PLCB2: variants seen among roughly 807,000 people sequenced by gnomAD.
The protein encoded by PLCB2 is 1-phosphatidylinositol 4,5-bisphosphate phosphodiesterase beta-2.
Under a neutral mutation model 141.7 loss-of-function variants are expected in PLCB2, and 115 were observed. The observed-to-expected ratio is 0.81, with a 90% CI of 0.70 to 0.95. PLCB2 has a LOEUF of 0.95. Among genes scored for constraint, PLCB2 ranks in the 40% least tolerant of loss-of-function variants. PLCB2 has a pLI of 0.00. For missense variants in PLCB2, 1,403 were observed against 1,541.1 expected, an observed-to-expected ratio of 0.91 and a Z score of 1.50; for synonymous variants, 603 against 595.6, an observed-to-expected ratio of 1.01 and a Z score of -0.18.
chr15:40,306,337 G>A (rs2040794145), intron 1 of PLCB2, among the ~76,000 whole-genome samples: 1 of 152,188 alleles, frequency 6.6e-6, no homozygotes, highest in Admixed American at 6.5e-5. Flanking sequence ...ACCTTGGAGA[G>A]GGGAAGGGAA....
chr15:40,305,149 C>T (rs1423569519), intron 1 of PLCB2, among the ~76,000 whole-genome samples: 1 of 150,088 alleles, frequency 6.7e-6, no homozygotes, highest in Non-Finnish European at 1.5e-5. Flanking sequence ...GGGGTTTCAA[C>T]TCTACTTAGA....
At chr15:40,303,385 A>G in intron 2 of PLCB2, 29 bp from the exon 3 acceptor site, 1 of 1,533,624 alleles carries the variant, frequency 6.5e-7, no homozygotes, top group Non-Finnish European at 9.0e-7. Context: ...TCCCGGTGGG[A>G]GCAAAGAAGG....
intron 7 of PLCB2, among the ~76,000 whole-genome samples, chr15:40,299,724 G>A (rs944704834): frequency 6.6e-6 from 1 of 152,076 alleles, no homozygotes; most frequent in Non-Finnish European, 1.5e-5. Context: ...TAAATTAAAC[G>A]TCATCAAAAT....
chr15:40,296,492 A>G (rs2040224704), intron 15 of PLCB2, 30 bp downstream of exon 15: 1 of 1,613,854 alleles, frequency 6.2e-7, no homozygotes, highest in African/African-American at 1.3e-5. Flanking sequence ...GGAGGATGAC[A>G]CAGAGGGGCC....
Position 40,302,209 on chromosome 15 carries a change from C to G in PLCB2, c.453-20G>C. The G allele has an allele frequency of 3.7e-6, 6 of 1,613,542 alleles. No individual in the cohort carries two copies. Among genetic ancestry groups the G allele is most frequent in the Non-Finnish European group, 5.1e-6 (6 of 1,179,644 alleles). ...ACAAGGCTGGGGGCAGAAAGCAGCC[C>G]GTCAAGGCCCAGGGCTGGCATGCTC... On this transcript the variant is annotated intron_variant, in intron 5 of 31. Coordinates refer to ENST00000260402, the MANE Select transcript of PLCB2 (RefSeq NM_004573.3).
Position 40,294,395 on chromosome 15 carries a change from T to C in PLCB2, c.1932A>G (p.Ala644=). The C allele has an allele frequency of 5.6e-6, 9 of 1,614,196 alleles. No individual in the cohort carries two copies. The highest frequency in any genetic ancestry group is 7.6e-6 in the Non-Finnish European group (9 of 1,180,024). Residue 644 remains alanine, a synonymous_variant, in exon 19 of 32, where the codon GCA becomes GCG. Transcript: ENST00000260402. ...TMDLPMQQNM[A]VFEFNGQSGY... ...CGCTCTGCCCGTTGAACTCAAATAC[T>C]GCCATGTTCTGCTGCATGGGCAAGT...
At chr15:40,301,619 T>A (rs1352933515) in intron 7 of PLCB2, 2 of 702,974 alleles carry the variant, frequency 2.8e-6, no homozygotes, top group Non-Finnish European at 5.2e-6. Context: ...GCTGAAAACA[T>A]TCACGCTCAG....
intron 7 of PLCB2, chr15:40,300,775 C>T (rs993255119): frequency 4.6e-5 from 7 of 151,956 alleles, no homozygotes; most frequent in Non-Finnish European, 4.4e-5. Flanking sequence ...GCATTCCTTC[C>T]CCCCCCAAAA....
At chr15:40,294,705 G>A (rs140699640) in intron 18 of PLCB2, among the ~76,000 whole-genome samples, 2 of 152,270 alleles carry the variant, frequency 1.3e-5, no homozygotes, top group Non-Finnish European at 2.9e-5. Flanking sequence ...TGGGTGGAGC[G>A]GCCAGAACCC....
Position 40,297,573 on chromosome 15 carries a change from C to A in PLCB2, c.1271G>T (p.Cys424Phe). ...PRQQAKMAEY[C>F]RTIFGDMLLT... ...CAGCATATCCCCAAAGATCGTCCGG[C>A]AATACTCAGCCATCTTAGCCTGCTG... The change falls in exon 13 of 32, where the codon TGC (cysteine) becomes TTC (phenylalanine). Residue 424 changes from cysteine (C) to phenylalanine (F), a missense_variant. Physicochemically the swap from Cys to Phe is radical, Grantham distance 205. This residue lies in a region of PLCB2 where 975 missense variants were observed against 1,141.1 expected (regional missense o/e 0.85). Coordinates refer to ENST00000260402, the MANE Select transcript of PLCB2 (RefSeq NM_004573.3). This position sits in a 1 kb window ranked among gnomAD's most constrained non-coding sequence, Gnocchi z 4.2. The A allele has an allele frequency of 6.2e-7, 1 of 1,614,176 alleles. No homozygotes were observed. Among genetic ancestry groups the A allele is most frequent in the Non-Finnish European group, 8.5e-7 (1 of 1,180,020 alleles).
intron 24 of PLCB2, 22 bp from the exon 25 acceptor site, chr15:40,291,672 C>T: frequency 6.2e-7 from 1 of 1,611,706 alleles, no homozygotes; most frequent in Non-Finnish European, 8.5e-7. Context: ...ACGGGCTGGG[C>T]TGTCAGGTGC....
chr15:40,306,497 C>T (rs1369491826), intron 1 of PLCB2, among the ~76,000 whole-genome samples: 1 of 152,194 alleles, frequency 6.6e-6, no homozygotes, highest in Non-Finnish European at 1.5e-5. Context: ...GCTTTTCATT[C>T]TGAGCCACTT....
Position 40,293,001 on chromosome 15 carries a change from G to C in PLCB2, c.2251C>G (p.Leu751Val). The C allele has an allele frequency of 6.2e-7, 1 of 1,604,986 alleles. No homozygotes were observed. Among genetic ancestry groups the C allele is most frequent in the Non-Finnish European group, 8.5e-7 (1 of 1,175,196 alleles). Residue 751 changes from leucine to valine, a missense_variant, in exon 21 of 32, where the codon CTC becomes GTC. This residue lies in a region of PLCB2 where 975 missense variants were observed against 1,141.1 expected (regional missense o/e 0.85). Transcript: ENST00000260402. The stretch of plus-strand genomic sequence containing the variant: ...CCTTCCTCCATCACAGCCACTCTGA[G>C]GGAGGCCAGCTCAGGCATCAAGATC... ...EKILMPELAS[L>V]RVAVMEEGNK...
Position 40,288,723 on chromosome 15 carries a change from G to A in PLCB2, c.3550C>T (p.Arg1184Cys), listed in dbSNP as rs752005408. The A allele has an allele frequency of 1.4e-5, 22 of 1,586,774 alleles. No individual in the cohort carries two copies. Among genetic ancestry groups the A allele is most frequent in the Admixed American group, 1.0e-4 (6 of 58,514 alleles). ...LIAKADAQES[R>C]L ...CCAGTGGGATGGGGGCATCAGAGGC[G>A]GCTCTCCTGGGCATCTGCCTTTGCT... Residue 1184 changes from arginine (R) to cysteine (C), a missense_variant, in exon 32 of 32, where the codon CGC becomes TGC. Physicochemically the swap from Arg to Cys is radical, Grantham distance 180. This residue lies in a region of PLCB2 where 132 missense variants were observed against 132.4 expected (regional missense o/e 1.00). Coordinates refer to ENST00000260402, the MANE Select transcript of PLCB2 (RefSeq NM_004573.3).
At chr15:40,299,035 G>A (rs903951998) in intron 8 of PLCB2, 71 bp from the exon 9 acceptor site, 5 of 1,581,314 alleles carry the variant, frequency 3.2e-6, no homozygotes, top group African/African-American at 1.3e-5. Flanking sequence ...CCCTTGTCCA[G>A]TGAAGCCTCC....
rs911591464 is a variant in PLCB2, at chr15:40,303,986, C to G, written c.162+15G>C. On this transcript the variant is annotated intron_variant, in intron 2 of 31. Coordinates refer to ENST00000260402, the MANE Select transcript of PLCB2 (RefSeq NM_004573.3). ...AGCAGGAGTCCAGGGCCATGGCACA[C>G]AAGGGTTTTCTCACCTTACTTTGAT... 1 of 1,547,874 alleles carries G rather than the reference C, an allele frequency of 6.5e-7. No homozygotes were observed. The highest frequency in any genetic ancestry group is 1.4e-5 in the African/African-American group (1 of 73,802).
Position 40,293,596 on chromosome 15 carries a change from A to G in PLCB2, c.2190T>C (p.Asn730=). ...TKLSPSTNSI[N]PVWKEEPFVF... ...CAAAGGGCTCCTCCTTCCAGACAGGATTGATGGAGTTAGTACTGGGTGACA... is the reference window on the plus strand; with the variant it reads ...CAAAGGGCTCCTCCTTCCAGACAGGGTTGATGGAGTTAGTACTGGGTGACA... The change falls in exon 20 of 32, where the codon AAT becomes AAC. Residue 730 remains asparagine (N), a synonymous_variant. Coordinates refer to ENST00000260402, the MANE Select transcript of PLCB2 (RefSeq NM_004573.3). 2 of 1,613,996 alleles carry G rather than the reference A, an allele frequency of 1.2e-6. 1 individual carries two copies. Among genetic ancestry groups the G allele is most frequent in the South Asian group, 2.2e-5 (2 of 91,078 alleles).
chr15:40,306,281 C>T lies in PLCB2; in HGVS notation c.84+1308G>A, dbSNP rs182178835. Among the ~76,000 whole-genome samples the T allele has an allele frequency of 3.9e-3, 592 of 152,264 alleles. 5 individuals are homozygous for T. Among genetic ancestry groups the T allele is most frequent in the Non-Finnish European group, 5.4e-3 (364 of 68,024 alleles). On this transcript the variant is annotated intron_variant, in intron 1 of 31. Coordinates refer to ENST00000260402, the MANE Select transcript of PLCB2 (RefSeq NM_004573.3). ...CATGGACCTGTGGATAGGCTTGGGA[C>T]ATTCTTGCTTGTGCAGGTCAGGATC...
chr15:40,298,913 G>C lies in PLCB2; in HGVS notation c.735C>G (p.Ile245Met). ...GCCGGGAGTCCCGCTGTTTCTGGTT[G>C]ATGAATTTGGTCAGGTGCTCCTTCG... ...YMTKEHLTKF[I>M]NQKQRDSRLN... Residue 245 changes from isoleucine to methionine, a missense_variant, in exon 9 of 32, where the codon ATC becomes ATG. Transcript: ENST00000260402. The C allele has an allele frequency of 6.2e-7, 1 of 1,609,700 alleles. No homozygotes were observed. The highest frequency in any genetic ancestry group is 8.5e-7 in the Non-Finnish European group (1 of 1,179,956).
Sources: gnomAD v4.1 joint callset for allele counts (sites outside exome capture counted in the v4.1 genomes callset) on GRCh38, gnomAD v4.1.1 for gene constraint, gnomAD v4.1.1 regional missense constraint, Gnocchi (gnomAD v3.1) non-coding constraint, MANE v1.5 for transcripts, NCBI Gene and HGNC (gene_info 2026-07-23, HGNC 2026-07-21) for gene names.